The following THSD4 variants were observed in gnomAD, a reference collection of about 807,000 sequenced individuals.
THSD4 encodes thrombospondin type-1 domain-containing protein 4.
A neutral mutation model predicts 119.0 loss-of-function variants in THSD4; 69 were observed. The observed-to-expected ratio is 0.58, with a 90% CI of 0.48 to 0.71. THSD4 has a LOEUF of 0.71. Among genes scored for constraint, THSD4 ranks in the 30% least tolerant of loss-of-function variants. THSD4 has a pLI of 0.00. For missense variants in THSD4, 1,393 were observed against 1,391.1 expected (o/e 1.00, Z -0.02); for synonymous variants, 524 against 540.4 (o/e 0.97, Z 0.42).
Position 71,243,227 on chromosome 15 carries a change from C to T in THSD4, c.912+131C>T, listed in dbSNP as rs1297038978. On this transcript the variant is annotated intron_variant, in intron 5 of 17. Coordinates refer to ENST00000261862, the MANE Select transcript of THSD4 (RefSeq NM_024817.3). ...TGTTAACACACCTTTTAATCTTCCT[C>T]CTTTCTCTTTGCTTTCCATGTATTC... 6.5e-6 allele frequency: 6 copies of T among 926,512 alleles called. No individual in the cohort carries two copies. The African/African-American group carries it at 6.7e-5, about 10-fold the overall frequency. The allele number at this position is 926,512 out of a possible 1,614,324, so 57.4% of individuals were successfully genotyped here. A position where few individuals can be genotyped will look rare whatever the true frequency, so the allele number is the denominator to read the frequency against.
chr15:71,283,834 G>T (rs921593885), intron 6 of THSD4, among the ~76,000 whole-genome samples: 1 of 152,166 alleles, frequency 6.6e-6, no homozygotes, highest in South Asian at 2.1e-4. Flanking sequence ...GCATTGCTGG[G>T]TTTGGGGGCA....
chr15:71,277,219 G>A (rs982846234), intron 6 of THSD4, among the ~76,000 whole-genome samples: 2 of 146,892 alleles, frequency 1.4e-5, no homozygotes, highest in Non-Finnish European at 3.0e-5. Context: ...TCTGCCTCCC[G>A]GGTTCAAGTG....
At chr15:71,398,844 CAG>C (rs1250240305) in intron 6 of THSD4, among the ~76,000 whole-genome samples, 1 of 151,974 alleles carries the variant, frequency 6.6e-6, no homozygotes, top group African/African-American at 2.4e-5. Context: ...GGGTAGGAGA[CAG>C]GGGCATGGTG....
chr15:71,456,433 A>C (rs1024193438), intron 7 of THSD4, among the ~76,000 whole-genome samples: 6 of 152,230 alleles, frequency 3.9e-5, no homozygotes, highest in Non-Finnish European at 7.3e-5. Flanking sequence ...TTCATGATTC[A>C]TGGTGATGAT....
intron 7 of THSD4, among the ~76,000 whole-genome samples, chr15:71,467,912 G>GATCTCGGCTCAC: frequency 6.7e-6 from 1 of 149,476 alleles, no homozygotes; most frequent in South Asian, 2.1e-4. Context: ...GCAGTGGCAT[G>GATCTCGGCTCAC]ATCTCGGCTC....
chr15:71,114,493 C>T (rs1039185565), upstream of THSD4, among the ~76,000 whole-genome samples: 15 of 152,174 alleles, frequency 9.9e-5, no homozygotes, highest in African/African-American at 3.4e-4. Flanking sequence ...CCTCCCTGCT[C>T]TGGGGAAAGA....
chr15:71,103,377 C>T (rs76151441), intron 1 of THSD4, among the ~76,000 whole-genome samples: 2 of 152,236 alleles, frequency 1.3e-5, no homozygotes, highest in East Asian at 3.9e-4. Context: ...CAGATCCATA[C>T]ATGTGTAGCC....
rs1294173463 is a variant in THSD4, at chr15:71,215,256, G to A, written c.321G>A (p.Ala107=). 9.2e-5 allele frequency: 137 copies of A among 1,487,998 alleles called. No homozygotes were observed. Among genetic ancestry groups the A allele is most frequent in the Non-Finnish European group, 1.1e-4 (129 of 1,125,752 alleles). 92.2% of individuals were successfully genotyped at this position (1,487,998 alleles called of 1,614,324 possible). The change falls in exon 4 of 18, where the codon GCG becomes GCA. Residue 107 remains alanine, a synonymous_variant. Coordinates refer to ENST00000261862, the MANE Select transcript of THSD4 (RefSeq NM_024817.3). ...CCTTCGCGGACCACGTGGTGTCGGC[G>A]GTGCGCACGTCGGTGCCACTGCACC... is the stretch of plus-strand genomic sequence containing the variant. ...ARAFADHVVS[A]VRTSVPLHRS... is the part of the protein sequence containing the mutation.
intron 6 of THSD4, among the ~76,000 whole-genome samples, chr15:71,319,446 T>G: frequency 7.2e-6 from 1 of 139,634 alleles, no homozygotes; most frequent in Non-Finnish European, 1.5e-5. Flanking sequence ...CCCTGCCCTG[T>G]GTCGAAGTGT....
At chr15:71,748,001 CAG>C (rs1238779029) in intron 13 of THSD4, among the ~76,000 whole-genome samples, 1 of 152,206 alleles carries the variant, frequency 6.6e-6, no homozygotes, top group Non-Finnish European at 1.5e-5. Flanking sequence ...CTTATTGCCA[CAG>C]AGAGTCCATT....
intron 3 of THSD4, among the ~76,000 whole-genome samples, chr15:71,204,626 A>G (rs1304934718): frequency 6.6e-6 from 1 of 152,138 alleles, no homozygotes; most frequent in Non-Finnish European, 1.5e-5. Context: ...GCCTCAAATC[A>G]CAAAGAGAGG....
chr15:71,133,615 A>G (rs1211364147), intron 1 of THSD4, among the ~76,000 whole-genome samples: 3 of 152,226 alleles, frequency 2.0e-5, no homozygotes, highest in Non-Finnish European at 4.4e-5. Flanking sequence ...AAATCAAGCA[A>G]CGAAGTCAGT....
At chr15:71,308,927 G>A (rs1374914604) in intron 6 of THSD4, among the ~76,000 whole-genome samples, 2 of 152,108 alleles carry the variant, frequency 1.3e-5, no homozygotes, top group Non-Finnish European at 2.9e-5. Flanking sequence ...TTTAACTCTA[G>A]TCATCCTAGT....
At chr15:71,598,052 A>G (rs1181867860) in intron 7 of THSD4, among the ~76,000 whole-genome samples, 1 of 152,082 alleles carries the variant, frequency 6.6e-6, no homozygotes, top group Non-Finnish European at 1.5e-5. Flanking sequence ...TCAGGGGAAC[A>G]AGAAGTGTTC....
At chr15:71,555,100 G>A (rs2048998182) in intron 7 of THSD4, among the ~76,000 whole-genome samples, 1 of 152,098 alleles carries the variant, frequency 6.6e-6, no homozygotes, top group African/African-American at 2.4e-5. Flanking sequence ...TGCTATTTGG[G>A]CCAGGTGCAG....
intron 7 of THSD4, among the ~76,000 whole-genome samples, chr15:71,617,337 A>AT (rs1032653769): frequency 6.6e-6 from 1 of 152,154 alleles, no homozygotes. Flanking sequence ...TTTAGTTTAA[A>AT]TTTTTTTAAT....
At chr15:71,416,695 C>T (rs553057310) in intron 7 of THSD4, among the ~76,000 whole-genome samples, 1 of 96,532 alleles carries the variant, frequency 1.0e-5, no homozygotes, top group African/African-American at 3.7e-5. Flanking sequence ...TATTTTGTTT[C>T]ATTTTATTTT....
intron 8 of THSD4, among the ~76,000 whole-genome samples, chr15:71,713,278 C>T (rs2052549686): frequency 6.6e-6 from 1 of 152,180 alleles, no homozygotes; most frequent in Non-Finnish European, 1.5e-5. Context: ...TGTGTGGCTA[C>T]CCTCTGGCCT....
chr15:71,307,311 C>G (rs1249118294), intron 6 of THSD4, among the ~76,000 whole-genome samples: 9 of 152,134 alleles, frequency 5.9e-5, no homozygotes, highest in Admixed American at 5.9e-4. Context: ...CACCGTCTTC[C>G]CACATGTAAC....
Sources: gnomAD v4.1 joint callset for allele counts (sites outside exome capture counted in the v4.1 genomes callset) on GRCh38, gnomAD v4.1.1 for gene constraint, MANE v1.5 for transcripts, NCBI Gene and HGNC (gene_info 2026-07-23, HGNC 2026-07-21) for gene names.